Variants in CELF2 observed in about 807,000 individuals in gnomAD.
CELF2 encodes the protein CUG triplet repeat RNA-binding protein 2.
Under a neutral mutation model 62.6 loss-of-function variants are expected in CELF2, and 8 were observed. The ratio of observed to expected loss-of-function variants is 0.13; its 90% CI spans 0.07 to 0.23. CELF2 has a LOEUF of 0.23. Among genes scored for constraint, CELF2 ranks in the 10% least tolerant of loss-of-function variants. CELF2 has a pLI of 1.00. For missense variants in CELF2, 333 were observed against 671.0 expected (o/e 0.50, Z 5.56); for synonymous variants, 258 against 250.0 (o/e 1.03, Z -0.30).
intron 1 of CELF2, among the ~76,000 whole-genome samples, chr10:11,120,987 A>C (rs979509470): frequency 6.6e-6 from 1 of 152,152 alleles, no homozygotes; most frequent in African/African-American, 2.4e-5. Flanking sequence ...GCTTGCAAGG[A>C]GGTGTGTAGC....
intron 2 of CELF2, among the ~76,000 whole-genome samples, chr10:10,939,866 A>G (rs898053697): frequency 6.6e-6 from 1 of 151,996 alleles, no homozygotes; most frequent in African/African-American, 2.4e-5. Context: ...AGGCAGGAGA[A>G]TGGTGTGATA....
chr10:11,064,398 G>A (rs1232132823), intron 1 of CELF2, among the ~76,000 whole-genome samples: 1 of 152,118 alleles, frequency 6.6e-6, no homozygotes, highest in Admixed American at 6.6e-5. Context: ...TTGTTTGTTT[G>A]CCTATTATGA....
rs573819709 is a variant in CELF2, at chr10:11,120,326, A to G, written c.75-45160A>G. Among the ~76,000 whole-genome samples, 5 of 152,288 alleles carry G rather than the reference A, an allele frequency of 3.3e-5. No homozygotes were observed. In the South Asian group the frequency reaches 6.2e-4, roughly 19 times the overall value. ...TAGTAGCAAGTAGCAAAACTGTGCC[A>G]TTCCCTGTGCTCCTTCCCCCTAGAA... On this transcript the variant is annotated intron_variant, in intron 1 of 12. Coordinates refer to ENST00000633077, the MANE Select transcript of CELF2 (RefSeq NM_001326342.2).
At chr10:10,649,099 T>G in the CELF2 span, among the ~76,000 whole-genome samples, 5 of 152,216 alleles carry the variant, frequency 3.3e-5, no homozygotes, top group African/African-American at 1.2e-4. Flanking sequence ...CGGGCACTGG[T>G]CTAAAGAAAC....
At chr10:11,182,964 A>G (rs1450488715) in intron 2 of CELF2, among the ~76,000 whole-genome samples, 1 of 152,198 alleles carries the variant, frequency 6.6e-6, no homozygotes, top group Non-Finnish European at 1.5e-5. Flanking sequence ...TCTTTTCAAC[A>G]GCTCAATGGA....
intron 1 of CELF2, among the ~76,000 whole-genome samples, chr10:10,883,790 A>G (rs2061582367): frequency 1.3e-5 from 2 of 152,106 alleles, no homozygotes; most frequent in Admixed American, 1.3e-4. Context: ...CAAAAATGCA[A>G]TTTCATATGG....
chr10:11,273,257 C>T (rs1050456402), intron 7 of CELF2, among the ~76,000 whole-genome samples: 2 of 152,112 alleles, frequency 1.3e-5, no homozygotes, highest in African/African-American at 2.4e-5. Context: ...TGTTAGGAAC[C>T]GGACCGCCCA....
chr10:11,235,092 T>TA (rs2070657053), intron 3 of CELF2, among the ~76,000 whole-genome samples: 1 of 152,160 alleles, frequency 6.6e-6, no homozygotes, highest in East Asian at 1.9e-4. Context: ...ACTCAGACCT[T>TA]ACGCTTCTGT....
chr10:11,200,880 A>C (rs1181591802), intron 2 of CELF2, among the ~76,000 whole-genome samples: 1 of 152,246 alleles, frequency 6.6e-6, no homozygotes, highest in African/African-American at 2.4e-5. Flanking sequence ...CCCTCTGAGC[A>C]AATGAAATTT....
At chr10:10,664,512 C>T in the CELF2 span, among the ~76,000 whole-genome samples, 1 of 152,064 alleles carries the variant, frequency 6.6e-6, no homozygotes, top group Non-Finnish European at 1.5e-5. Context: ...TCTATATTTG[C>T]AAAGGAACAA....
intron 1 of CELF2, among the ~76,000 whole-genome samples, chr10:10,841,713 T>C (rs1275161811): frequency 5.9e-5 from 9 of 152,142 alleles, no homozygotes; most frequent in Non-Finnish European, 1.3e-4. Flanking sequence ...GAATCCTCCA[T>C]ATTTGTTTTT....
intron 1 of CELF2, among the ~76,000 whole-genome samples, chr10:10,915,418 G>A (rs529789993): frequency 6.6e-6 from 1 of 152,122 alleles, no homozygotes; most frequent in South Asian, 2.1e-4. Context: ...TTTTGTGGTT[G>A]TTTTTGAGAT....
the CELF2 span, among the ~76,000 whole-genome samples, chr10:10,472,984 T>C: frequency 6.6e-6 from 1 of 152,020 alleles, no homozygotes; most frequent in Non-Finnish European, 1.5e-5. Flanking sequence ...CAGGATCTCA[T>C]TTCTGACACT....
chr10:10,500,247 A>G, the CELF2 span, among the ~76,000 whole-genome samples: 4 of 152,290 alleles, frequency 2.6e-5, no homozygotes, highest in East Asian at 1.9e-4. Flanking sequence ...TTGTAGATTC[A>G]CATATAGTTA....
chr10:10,758,987 G>A, the CELF2 span, among the ~76,000 whole-genome samples: 1 of 152,306 alleles, frequency 6.6e-6, no homozygotes, highest in East Asian at 1.9e-4. Flanking sequence ...AATTGTCAGA[G>A]AGTCCTCTCA....
intron 2 of CELF2, among the ~76,000 whole-genome samples, chr10:10,933,851 G>A (rs1361150481): frequency 2.0e-5 from 3 of 152,158 alleles, no homozygotes; most frequent in Admixed American, 6.5e-5. Flanking sequence ...CTGTGGATGG[G>A]TGCTTAGGTT....
At chr10:10,891,959 G>A (rs1258685271) in intron 1 of CELF2, among the ~76,000 whole-genome samples, 3 of 152,166 alleles carry the variant, frequency 2.0e-5, no homozygotes, top group Non-Finnish European at 4.4e-5. Context: ...TCACTCTTGA[G>A]CAGCATTGCT....
At chr10:10,502,885 C>T in the CELF2 span, among the ~76,000 whole-genome samples, 40 of 151,974 alleles carry the variant, frequency 2.6e-4, no homozygotes, top group African/African-American at 9.6e-4. Flanking sequence ...CTTTCAGTTT[C>T]CTTCAAAATT....
At chr10:10,660,684 C>T in the CELF2 span, among the ~76,000 whole-genome samples, 1 of 152,140 alleles carries the variant, frequency 6.6e-6, no homozygotes, top group Non-Finnish European at 1.5e-5. Context: ...CCTGCAATGC[C>T]ATAAGCAGAC....
Sources: allele counts gnomAD v4.1 joint callset (sites outside exome capture counted in the v4.1 genomes callset), GRCh38; gene constraint gnomAD v4.1.1; transcripts MANE v1.5; gene names NCBI Gene and HGNC (gene_info 2026-07-23, HGNC 2026-07-21).